The following CCDC102B variants were observed in gnomAD, a reference collection of about 807,000 sequenced individuals.
CCDC102B encodes coiled-coil domain containing 102B.
Under a neutral mutation model 57.4 loss-of-function variants are expected in CCDC102B, and 75 were observed. The observed-to-expected ratio is 1.31, with a 90% confidence interval of 1.08 to 1.58. The LOEUF is 1.58. CCDC102B is among the 40% of genes most tolerant of loss of function. CCDC102B has a pLI of 0.00. For synonymous variants in CCDC102B, 206 were observed against 201.9 expected (o/e 1.02, Z -0.17); for missense variants, 636 against 582.6 (o/e 1.09, Z -0.94).
chr18:68,816,432 C>A (rs1159427282), intron 1 of CCDC102B, among the ~76,000 whole-genome samples: 1 of 149,016 alleles, frequency 6.7e-6, no homozygotes, highest in African/African-American at 2.5e-5. Context: ...AGTCACTTTT[C>A]ACTATAGTCT....
chr18:69,013,365 C>T (rs1446402588), intron 7 of CCDC102B, among the ~76,000 whole-genome samples: 1 of 151,748 alleles, frequency 6.6e-6, no homozygotes, highest in African/African-American at 2.4e-5. Context: ...CAGACAATGG[C>T]GACTCGGAAA....
chr18:68,715,746 G>A (rs1319161221), intron 1 of CCDC102B: 3 of 152,092 alleles, frequency 2.0e-5, no homozygotes, highest in Non-Finnish European at 2.9e-5. Flanking sequence ...ATTGCTACCT[G>A]TTTTTTCTTC....
At chr18:68,809,047 T>A (rs2036147461) in intron 1 of CCDC102B, among the ~76,000 whole-genome samples, 1 of 152,196 alleles carries the variant, frequency 6.6e-6, no homozygotes, top group African/African-American at 2.4e-5. Context: ...ATTATGAAAC[T>A]TGGGAAGTTT....
chr18:68,802,676 C>T (rs2035897473), intron 1 of CCDC102B, among the ~76,000 whole-genome samples: 2 of 152,164 alleles, frequency 1.3e-5, no homozygotes, highest in Non-Finnish European at 2.9e-5. Flanking sequence ...CTATGGTTGG[C>T]CGTCATTGTT....
chr18:68,956,599 T>G (rs866564268), intron 6 of CCDC102B, among the ~76,000 whole-genome samples: 1 of 40,278 alleles, frequency 2.5e-5, no homozygotes, highest in African/African-American at 8.6e-5. Flanking sequence ...ATATATATAT[T>G]ATATATATAT....
intron 2 of CCDC102B, among the ~76,000 whole-genome samples, chr18:68,783,919 T>C (rs1171658670): frequency 6.6e-6 from 1 of 152,156 alleles, no homozygotes; most frequent in Non-Finnish European, 1.5e-5. Flanking sequence ...GGTTTAACAG[T>C]TGATACTCAA....
intron 6 of CCDC102B, among the ~76,000 whole-genome samples, chr18:68,968,616 A>C (rs969032974): frequency 4.6e-5 from 7 of 152,190 alleles, no homozygotes; most frequent in African/African-American, 1.4e-4. Context: ...ATTATTAACA[A>C]GAGGCATTAT....
At chr18:69,007,513 T>C (rs1282079579) in intron 6 of CCDC102B, among the ~76,000 whole-genome samples, 1 of 152,226 alleles carries the variant, frequency 6.6e-6, no homozygotes, top group Admixed American at 6.5e-5. Flanking sequence ...ATATAGTCAC[T>C]GACAAGAGGA....
At chr18:68,731,449 G>T (rs907970906) in intron 2 of CCDC102B, among the ~76,000 whole-genome samples, 4 of 151,698 alleles carry the variant, frequency 2.6e-5, no homozygotes. Flanking sequence ...TCCTTCCCCC[G>T]ACTTGGAATC....
At chr18:68,815,922 CAATT>C (rs1262651020) in intron 1 of CCDC102B, among the ~76,000 whole-genome samples, 1 of 152,098 alleles carries the variant, frequency 6.6e-6, no homozygotes, top group Non-Finnish European at 1.5e-5. Flanking sequence ...TTCAATATAT[CAATT>C]CATTTTTCCC....
intron 7 of CCDC102B, among the ~76,000 whole-genome samples, chr18:69,039,286 T>G (rs2052372083): frequency 1.3e-5 from 2 of 152,004 alleles, no homozygotes; most frequent in African/African-American, 4.8e-5. Context: ...AAATTAACAT[T>G]ATATAGTTAT....
intron 1 of CCDC102B, among the ~76,000 whole-genome samples, chr18:68,834,402 A>AAT (rs1347393153): frequency 1.4e-5 from 2 of 140,828 alleles, no homozygotes; most frequent in African/African-American, 2.6e-5. Flanking sequence ...GTGAATAGTA[A>AAT]ATATATATAT....
At chr18:68,946,841 T>C (rs2049554383) in intron 6 of CCDC102B, among the ~76,000 whole-genome samples, 1 of 152,004 alleles carries the variant, frequency 6.6e-6, no homozygotes, top group African/African-American at 2.4e-5. Flanking sequence ...TGCTACACCA[T>C]TTACATGGAA....
intron 5 of CCDC102B, among the ~76,000 whole-genome samples, chr18:68,892,424 A>G (rs2040111816): frequency 1.3e-5 from 2 of 152,052 alleles, no homozygotes; most frequent in African/African-American, 4.8e-5. Context: ...CACCATCCCC[A>G]TCTGACTCTG....
At chr18:68,990,073 A>G (rs2050825001) in intron 6 of CCDC102B, among the ~76,000 whole-genome samples, 1 of 152,204 alleles carries the variant, frequency 6.6e-6, no homozygotes, top group Non-Finnish European at 1.5e-5. Flanking sequence ...AAAATTCTGA[A>G]ATTACAGGCA....
At chr18:68,842,357 T>C (rs988949419) in intron 3 of CCDC102B, among the ~76,000 whole-genome samples, 1 of 152,102 alleles carries the variant, frequency 6.6e-6, no homozygotes, top group Non-Finnish European at 1.5e-5. Context: ...TAACTGTCAC[T>C]CATGGAATAT....
intron 1 of CCDC102B, among the ~76,000 whole-genome samples, chr18:68,806,299 A>G (rs1279906868): frequency 1.3e-5 from 2 of 152,114 alleles, no homozygotes; most frequent in African/African-American, 2.4e-5. Context: ...AAACATATCC[A>G]ATTTTTAAAA....
chr18:68,850,224 A>G (rs2038060468), intron 4 of CCDC102B, among the ~76,000 whole-genome samples: 1 of 152,148 alleles, frequency 6.6e-6, no homozygotes, highest in Non-Finnish European at 1.5e-5. Flanking sequence ...TAATAAGTGC[A>G]TTAATTAAGA....
upstream of CCDC102B, among the ~76,000 whole-genome samples, chr18:68,794,100 C>T (rs191420915): frequency 2.9e-4 from 44 of 152,226 alleles, no homozygotes; most frequent in African/African-American, 1.1e-3. Context: ...TAGGAGAAAC[C>T]TGATGACAGT....
Sources: gnomAD v4.1 joint callset for allele counts (sites outside exome capture counted in the v4.1 genomes callset) on GRCh38, gnomAD v4.1.1 for gene constraint, MANE v1.5 for transcripts, NCBI Gene and HGNC (gene_info 2026-07-23, HGNC 2026-07-21) for gene names.